Variants in NUP205 observed in about 807,000 individuals in gnomAD.
The protein encoded by NUP205 is nucleoporin 205, also known as nuclear pore complex protein Nup205.
A neutral mutation model predicts 253.8 loss-of-function variants in NUP205; 76 were observed. The observed-to-expected ratio is 0.30, with a 90% CI of 0.25 to 0.36. NUP205 has a LOEUF of 0.36. Among genes scored for constraint, NUP205 ranks in the 10% least tolerant of loss-of-function variants. NUP205 has a pLI of 1.00. For missense variants in NUP205, 2,162 were observed against 2,425.5 expected, an observed-to-expected ratio of 0.89 and a Z score of 2.28; for synonymous variants, 832 against 850.1, an observed-to-expected ratio of 0.98 and a Z score of 0.37.
At chr7:135,635,784 T>C in intron 36 of NUP205, 127 bp downstream of exon 36, 1 of 542,364 alleles carries the variant, frequency 1.8e-6, no homozygotes, top group South Asian at 3.3e-5. Context: ...TTTTTCTAAA[T>C]AATATGCTTA....
rs113572664 is a variant in NUP205 at position 135,567,124 on chromosome 7, G to C, written c.29-3981G>C. On this transcript the variant is annotated intron_variant, in intron 1 of 42. Transcript: ENST00000285968. ...ATTCTGTCTGTCTTGCTCAGTCTAT[G>C]TGTGTATATATATATATATATATAT... 5.0e-3 allele frequency among the ~76,000 whole-genome samples: 121 copies of C among 24,242 alleles called. 19 individuals are homozygous for C. The highest frequency in any genetic ancestry group is 0.016 in the South Asian group (7 of 448). 15.9% of individuals were successfully genotyped at this position (24,242 alleles called of 152,430 possible).
chr7:135,645,711 C>A, intron 41 of NUP205, 115 bp downstream of exon 41: 1 of 1,020,556 alleles, frequency 9.8e-7, no homozygotes, highest in Non-Finnish European at 1.4e-6. Context: ...TTGGGTGAAT[C>A]AAGAGCTGTT....
At chr7:135,605,853 A>AT (rs202096156) in intron 19 of NUP205, among the ~76,000 whole-genome samples, 6,569 of 144,272 alleles carry the variant, frequency 0.046, 453 homozygotes, top group African/African-American at 0.15. Context: ...CAATTTCGTG[A>AT]TTTTTTTTTT....
At chr7:135,602,079 C>T (rs1793978472) in intron 17 of NUP205, among the ~76,000 whole-genome samples, 1 of 152,134 alleles carries the variant, frequency 6.6e-6, no homozygotes, top group African/African-American at 2.4e-5. Context: ...GGGATTTGAA[C>T]CTAGTCATCT....
At chr7:135,572,712 C>T (rs1434784020) in intron 2 of NUP205, among the ~76,000 whole-genome samples, 1 of 152,130 alleles carries the variant, frequency 6.6e-6, no homozygotes, top group African/African-American at 2.4e-5. Context: ...GCGCCTGCCA[C>T]CATGTCCAGC....
intron 34 of NUP205, among the ~76,000 whole-genome samples, chr7:135,629,491 CTCTCTCTCTCTCTCTCTCTG>C (rs1258721279): frequency 7.0e-5 from 10 of 143,426 alleles, no homozygotes; most frequent in African/African-American, 2.1e-4. Flanking sequence ...CTCTCTCTCT[CTCTCTCTCTCTCTCTCTCTG>C]TCTCTCTCTC....
chr7:135,617,923 G>A (rs780204881), intron 27 of NUP205, among the ~76,000 whole-genome samples: 34 of 151,174 alleles, frequency 2.2e-4, no homozygotes, highest in Non-Finnish European at 3.7e-4. Flanking sequence ...ACCATATTTC[G>A]TATTAGACTT....
chr7:135,558,362 A>C (rs753059549), intron 1 of NUP205: 1 of 268,252 alleles, frequency 3.7e-6, no homozygotes, highest in African/African-American at 2.2e-5. Context: ...AGCCATGAGC[A>C]GAGGCTGAAA....
chr7:135,611,471 A>C (rs781498462), intron 22 of NUP205, among the ~76,000 whole-genome samples: 13 of 152,166 alleles, frequency 8.5e-5, no homozygotes, highest in Non-Finnish European at 1.3e-4. Flanking sequence ...AACTGTTTAA[A>C]AGGTCAATGT....
Position 135,557,956 on chromosome 7 carries a change from T to G in NUP205, c.12T>G (p.Pro4=), listed in dbSNP as rs1409905570. 6.2e-7 allele frequency: 1 copy of G among 1,613,796 alleles called. No homozygotes were observed. The highest frequency in any genetic ancestry group is 1.7e-5 in the Admixed American group (1 of 60,014). The change falls in exon 1 of 43, where the codon CCT becomes CCG. Residue 4 remains proline, a synonymous_variant. Transcript: ENST00000285968. ...AGTGCGCCTCTAAGATGGCGACGCC[T>G]TTGGCGGTAAATTCGGGTAAGTGTG... MAT[P]LAVNSAASLW...
intron 42 of NUP205, 112 bp from the exon 43 acceptor site, chr7:135,648,292 A>T (rs1795051746): frequency 5.8e-6 from 5 of 864,400 alleles, no homozygotes; most frequent in Non-Finnish European, 8.0e-6. Context: ...AAGTATTTAC[A>T]TTGAAAGAAC....
In NUP205 at chr7:135,622,891, G is replaced by C; in HGVS notation, c.4445G>C (p.Cys1482Ser). The change falls in exon 31 of 43, where the codon TGT (cysteine) becomes TCT (serine). Residue 1482 changes from cysteine to serine, a missense_variant. Physicochemically the swap from Cys to Ser is moderately radical, Grantham distance 112 (BLOSUM62 -1). This residue lies in a region of NUP205 where 1,144 missense variants were observed against 1,280.9 expected (regional missense o/e 0.89). Transcript: ENST00000285968. ...GGCGCCGCCCTCATGGAAGTGGTCT[G>C]TCGAGATGCTTGTGATGGTCATGAG... ...SYGAALMEVV[C>S]RDACDGHEIG... The C allele has an allele frequency of 6.2e-7, 1 of 1,614,154 alleles. No homozygotes were observed. Among genetic ancestry groups the C allele is most frequent in the Non-Finnish European group, 8.5e-7 (1 of 1,180,024 alleles).
At position 135,600,349 on chromosome 7, in the gene NUP205, C is replaced by A. The variant is rs550128247; in HGVS notation, c.2275-521C>A. ...TCTTTGACTATAGTCACGGATGGAA[C>A]CCTGGTCTGAGAATGAGAAGGCCTG... On this transcript the variant is annotated intron_variant, in intron 15 of 42. Coordinates refer to ENST00000285968, the MANE Select transcript of NUP205 (RefSeq NM_015135.3). 2.6e-5 allele frequency among the ~76,000 whole-genome samples: 4 copies of A among 152,252 alleles called. No homozygotes were observed. In the East Asian group the frequency reaches 7.7e-4, roughly 29 times the overall value.
intron 35 of NUP205, among the ~76,000 whole-genome samples, chr7:135,632,351 G>A (rs537935419): frequency 6.6e-6 from 1 of 152,280 alleles, no homozygotes; most frequent in African/African-American, 2.4e-5. Flanking sequence ...CTGAGGCACA[G>A]GGAGGTTAAC....
chr7:135,613,545 C>CTTTTTTTTTTTTTTT (rs1172899536), intron 22 of NUP205, among the ~76,000 whole-genome samples: 1 of 136,612 alleles, frequency 7.3e-6, no homozygotes, highest in African/African-American at 2.7e-5. Flanking sequence ...CTTTTTTTTT[C>CTTTTTTTTTTTTTTT]TTTTTTTTTT....
At chr7:135,635,487 C>T (rs1159316938) in intron 35 of NUP205, 94 bp from the exon 36 acceptor site, 8 of 724,812 alleles carry the variant, frequency 1.1e-5, no homozygotes, top group Non-Finnish European at 1.6e-5. Context: ...TGTTCATGCA[C>T]ATAAACAATA....
chr7:135,645,092 T>C, intron 40 of NUP205, 74 bp downstream of exon 40: 1 of 1,551,796 alleles, frequency 6.4e-7, no homozygotes, highest in Admixed American at 1.9e-5. Flanking sequence ...CTCATATTAT[T>C]TGGGCACCAA....
Position 135,577,104 on chromosome 7 carries a change from G to A in NUP205, c.624G>A (p.Leu208=). 2 of 1,612,304 alleles carry A rather than the reference G, an allele frequency of 1.2e-6. No individual in the cohort carries two copies. The highest frequency in any genetic ancestry group is 1.7e-6 in the Non-Finnish European group (2 of 1,179,546). ...EFEKLQRERG[L]GSEKHRKEVS... ...AGAAACTACAGCGAGAGAGAGGTTT[G>A]GGCAGTGAAAAACATCGCAAAGAGG... The change falls in exon 5 of 43, where the codon TTG becomes TTA. Residue 208 remains leucine, a synonymous_variant. Coordinates refer to ENST00000285968, the MANE Select transcript of NUP205 (RefSeq NM_015135.3).
At chr7:135,575,115 C>A (rs79833388) in intron 3 of NUP205, among the ~76,000 whole-genome samples, 3,817 of 152,224 alleles carry the variant, frequency 0.025, 78 homozygotes, top group South Asian at 0.077. Flanking sequence ...AGTGTAAATA[C>A]GCTCATATTC....
Sources: allele counts gnomAD v4.1 joint callset (sites outside exome capture counted in the v4.1 genomes callset), GRCh38; gene constraint gnomAD v4.1.1; regional missense constraint gnomAD v4.1.1; transcripts MANE v1.5; gene names NCBI Gene and HGNC (gene_info 2026-07-23, HGNC 2026-07-21).